TANC2: variants seen among roughly 807,000 people sequenced by gnomAD.
TANC2 encodes the protein tetratricopeptide repeat, ankyrin repeat and coiled-coil containing 2.
TANC2 carries 26 observed loss-of-function variants against 210.5 expected under a neutral mutation model. That is an observed-to-expected ratio of 0.12 (90% confidence interval 0.09 to 0.17). TANC2 has a LOEUF of 0.17. Among genes scored for constraint, TANC2 ranks in the 10% least tolerant of loss-of-function variants. TANC2 has a pLI of 1.00. For missense variants in TANC2, 2,129 were observed against 2,608.9 expected, an observed-to-expected ratio of 0.82 and a Z score of 4.01; for synonymous variants, 931 against 967.1, an observed-to-expected ratio of 0.96 and a Z score of 0.69.
At chr17:63,056,863 T>C (rs904551563) in intron 2 of TANC2, among the ~76,000 whole-genome samples, 2 of 152,238 alleles carry the variant, frequency 1.3e-5, no homozygotes, top group African/African-American at 2.4e-5. Flanking sequence ...AATTTAAAAT[T>C]ATTGGAAGAT....
chr17:63,289,359 G>GT (rs2044316966), intron 9 of TANC2, among the ~76,000 whole-genome samples: 2 of 151,602 alleles, frequency 1.3e-5, no homozygotes, highest in South Asian at 2.1e-4. Flanking sequence ...TTTATTCTGG[G>GT]TTTTTTTCAG....
chr17:63,399,940 G>A (rs1333457313), intron 19 of TANC2, among the ~76,000 whole-genome samples: 2 of 152,196 alleles, frequency 1.3e-5, no homozygotes, highest in Non-Finnish European at 2.9e-5. Flanking sequence ...CAGATGCCTG[G>A]CAGCTGCAGC....
At chr17:62,995,854 G>A (rs1281123394) in intron 1 of TANC2, among the ~76,000 whole-genome samples, 5 of 152,174 alleles carry the variant, frequency 3.3e-5, no homozygotes, top group Admixed American at 6.5e-5. Flanking sequence ...TAGCTACTCC[G>A]AGGCTGAGAT....
intron 3 of TANC2, among the ~76,000 whole-genome samples, chr17:63,095,748 A>G (rs549265313): frequency 6.6e-6 from 1 of 152,306 alleles, no homozygotes; most frequent in South Asian, 2.1e-4. Context: ...TTACCCAGGA[A>G]AAAATGGTAT....
chr17:63,095,323 G>A (rs997503495), intron 3 of TANC2, among the ~76,000 whole-genome samples: 1 of 151,872 alleles, frequency 6.6e-6, no homozygotes, highest in Non-Finnish European at 1.5e-5. Context: ...CGACAGGTAC[G>A]CCACGCCCAG....
intron 14 of TANC2, 145 bp from the exon 15 acceptor site, chr17:63,379,573 G>A (rs2047538589): frequency 2.0e-6 from 1 of 493,226 alleles, no homozygotes; most frequent in Non-Finnish European, 3.5e-6. Context: ...GGAGGCTGAG[G>A]GAGGAGAATC....
intron 4 of TANC2, among the ~76,000 whole-genome samples, chr17:63,133,475 GAA>G (rs201809968): frequency 1.4e-5 from 2 of 146,206 alleles, no homozygotes; most frequent in African/African-American, 5.0e-5. Context: ...TTTCGAAAAA[GAA>G]AAAAAAAAAT....
At position 63,255,430 on chromosome 17, in the gene TANC2, G is replaced by A. The variant is rs972468415; in HGVS notation, c.1034-12318G>A. 3.3e-5 allele frequency among the ~76,000 whole-genome samples: 5 copies of A among 152,222 alleles called. No individual in the cohort carries two copies. In the South Asian group the frequency reaches 6.2e-4, roughly 19 times the overall value. The stretch of plus-strand genomic sequence containing the variant: ...TTTTAAATGTTTGGTAGAATCCAGC[G>A]GTGATGCCATTGGATCCTGGGCTTT... On this transcript the variant is annotated intron_variant, in intron 8 of 27. Transcript: ENST00000689528.
Position 63,412,603 on chromosome 17 carries a change from CCTT to C in TANC2, c.3899-73_3899-71del. 4.4e-6 allele frequency: 6 copies of C among 1,357,656 alleles called. No homozygotes were observed. The highest frequency in any genetic ancestry group is 1.3e-5 in the South Asian group (1 of 79,220). The allele number at this position is 1,357,656 out of a possible 1,614,324, so 84.1% of individuals were successfully genotyped here. On this transcript the variant is annotated intron_variant, in intron 23 of 27. Transcript: ENST00000689528. This position sits in a 1 kb window ranked among gnomAD's most constrained non-coding sequence, Gnocchi z 4.2. ...TGCCTGCCTCTCACTGCTGCTTTTT[CCTT>C]CTTTTTTTTTTTTTCACCTTCATCC... is the stretch of plus-strand genomic sequence containing the variant.
At position 63,058,095 on chromosome 17, in the gene TANC2, T is replaced by C. The variant is rs560015379; in HGVS notation, c.68-15848T>C. Among the ~76,000 whole-genome samples the C allele has an allele frequency of 9.7e-4, 147 of 152,310 alleles. 1 individual carries two copies. Among genetic ancestry groups the C allele is most frequent in the African/African-American group, 3.5e-3 (144 of 41,566 alleles). ...TTTCTCCGCAATTTGCCAGTATCTATCATTTTTTTACTTTTTTAGTAATAG... is the reference window on the plus strand; with the variant it reads ...TTTCTCCGCAATTTGCCAGTATCTACCATTTTTTTACTTTTTTAGTAATAG... On this transcript the variant is annotated intron_variant, in intron 2 of 27. Coordinates refer to ENST00000689528, the Ensembl canonical transcript of TANC2.
intron 2 of TANC2, among the ~76,000 whole-genome samples, chr17:63,072,722 TGTC>T (rs936092404): frequency 9.2e-5 from 14 of 152,196 alleles, no homozygotes; most frequent in African/African-American, 2.4e-4. Context: ...TATTTTGTAT[TGTC>T]GTCGTATATT....
At chr17:63,114,684 A>G (rs1422223572) in intron 4 of TANC2, among the ~76,000 whole-genome samples, 2 of 152,226 alleles carry the variant, frequency 1.3e-5, no homozygotes, top group Non-Finnish European at 2.9e-5. Flanking sequence ...AATAGAGTTT[A>G]GCACGGATGA....
intron 7 of TANC2, among the ~76,000 whole-genome samples, chr17:63,206,831 T>G (rs1193593228): frequency 5.9e-5 from 9 of 152,230 alleles, no homozygotes; most frequent in Admixed American, 5.9e-4. Flanking sequence ...TGAATATACT[T>G]AGTGCCCCTG....
At chr17:63,141,710 A>G (rs1381628970) in intron 4 of TANC2, among the ~76,000 whole-genome samples, 1 of 152,286 alleles carries the variant, frequency 6.6e-6, no homozygotes, top group Middle Eastern at 3.4e-3. Context: ...TAGGCCATCT[A>G]TAAGACCCAA....
rs547860949 is a variant in TANC2 at position 63,158,205 on chromosome 17, A to G, written c.433+6825A>G. On this transcript the variant is annotated intron_variant, in intron 5 of 27. Coordinates refer to ENST00000689528, the Ensembl canonical transcript of TANC2. Reference sequence around the variant, plus strand: ...CTTTATTAGCTGGTGACTTTTATTTAATATCTCTAATCTACTCTGGTTCCT... The same window carrying G: ...CTTTATTAGCTGGTGACTTTTATTTGATATCTCTAATCTACTCTGGTTCCT... 1.6e-4 allele frequency among the ~76,000 whole-genome samples: 24 copies of G among 152,238 alleles called. No individual in the cohort carries two copies. The South Asian group carries it at 5.0e-3, about 32-fold the overall frequency.
intron 5 of TANC2, among the ~76,000 whole-genome samples, chr17:63,162,513 TAG>T (rs1029929489): frequency 1.3e-5 from 2 of 152,028 alleles, no homozygotes; most frequent in African/African-American, 2.4e-5. Flanking sequence ...TGTGCTCTGG[TAG>T]AGAGAGGAAA....
chr17:62,981,058 A>G (rs928291585), intron 1 of TANC2, among the ~76,000 whole-genome samples: 6 of 152,200 alleles, frequency 3.9e-5, no homozygotes, highest in Non-Finnish European at 7.3e-5. Flanking sequence ...GCAAACAGCT[A>G]TGTTGACTTT....
intron 4 of TANC2, chr17:63,149,891 A>G (rs1332191084): frequency 2.0e-5 from 3 of 152,146 alleles, no homozygotes; most frequent in African/African-American, 7.2e-5. Flanking sequence ...CTTTGTTGCC[A>G]TGGAGACAGT....
intron 18 of TANC2, 53 bp from the exon 19 acceptor site, chr17:63,398,768 C>A: frequency 1.6e-6 from 2 of 1,263,702 alleles, no homozygotes; most frequent in South Asian, 1.3e-5. Context: ...AGGCTAGTGT[C>A]AGTAGCATAG....
Sources: gnomAD v4.1 joint callset for allele counts (sites outside exome capture counted in the v4.1 genomes callset) on GRCh38, gnomAD v4.1.1 for gene constraint, Gnocchi (gnomAD v3.1) non-coding constraint, MANE v1.5 for transcripts, NCBI Gene and HGNC (gene_info 2026-07-23, HGNC 2026-07-21) for gene names.